Variants in ALDH1A2 observed in about 807,000 individuals in gnomAD.
The protein encoded by ALDH1A2 is aldehyde dehydrogenase 1 family member A2.
In ALDH1A2, 27 loss-of-function variants were observed where a neutral mutation model predicts 60.3. The observed-to-expected ratio is 0.45, with a 90% CI of 0.33 to 0.62. The LOEUF (loss-of-function observed/expected upper bound fraction) is 0.62. Ranked by LOEUF, ALDH1A2 falls within the 20% of genes least tolerant of loss-of-function variation. ALDH1A2 has a pLI of 0.02. For missense variants in ALDH1A2, 581 were observed against 643.8 expected (o/e 0.90, Z 1.06); for synonymous variants, 289 against 232.4 (o/e 1.24, Z -2.21).
intron 1 of ALDH1A2, among the ~76,000 whole-genome samples, chr15:58,032,677 T>C (rs557370811): frequency 1.2e-3 from 186 of 152,006 alleles, no homozygotes; most frequent in African/African-American, 3.9e-3. Flanking sequence ...CCACTATTGG[T>C]TATCTATCCA....
At chr15:57,956,908 A>G (rs1268182976) in intron 12 of ALDH1A2, among the ~76,000 whole-genome samples, 1 of 152,102 alleles carries the variant, frequency 6.6e-6, no homozygotes, top group Non-Finnish European at 1.5e-5. Flanking sequence ...AGCATCAGAA[A>G]CCTCACAATT....
chr15:58,030,604 C>A (rs749437353), intron 1 of ALDH1A2, among the ~76,000 whole-genome samples: 2 of 152,062 alleles, frequency 1.3e-5, no homozygotes, highest in Non-Finnish European at 2.9e-5. Flanking sequence ...CAAATTGTCC[C>A]GGTTTGCAGG....
chr15:58,018,878 A>G (rs1895850282), intron 1 of ALDH1A2, among the ~76,000 whole-genome samples: 1 of 152,186 alleles, frequency 6.6e-6, no homozygotes, highest in Non-Finnish European at 1.5e-5. Context: ...GTTCCAAATT[A>G]AAGGTCACTA....
At chr15:57,974,533 G>A (rs1231495806) in intron 7 of ALDH1A2, among the ~76,000 whole-genome samples, 1 of 151,900 alleles carries the variant, frequency 6.6e-6, no homozygotes, top group African/African-American at 2.4e-5. Context: ...AGTGGAGGCA[G>A]GGTAGTCTTT....
At chr15:58,019,520 T>C (rs528804591) in intron 1 of ALDH1A2, among the ~76,000 whole-genome samples, 1 of 152,194 alleles carries the variant, frequency 6.6e-6, no homozygotes, top group African/African-American at 2.4e-5. Context: ...AGTTTCTTCA[T>C]TTGGAAAATA....
chr15:58,011,918 T>G (rs1217567301), intron 3 of ALDH1A2, among the ~76,000 whole-genome samples: 6 of 152,160 alleles, frequency 3.9e-5, no homozygotes, highest in Non-Finnish European at 8.8e-5. Flanking sequence ...AACCAGAATT[T>G]GGGCTGCCTA....
chr15:57,960,952 G>A (rs1893697273), intron 11 of ALDH1A2, 108 bp from the exon 12 acceptor site: 8 of 1,358,724 alleles, frequency 5.9e-6, no homozygotes, highest in Non-Finnish European at 8.2e-6. Context: ...CTTTCCTCCA[G>A]AGGAAAAAAT....
chr15:58,031,947 C>T (rs1210901141), intron 1 of ALDH1A2, among the ~76,000 whole-genome samples: 3 of 152,226 alleles, frequency 2.0e-5, no homozygotes, highest in African/African-American at 7.2e-5. Context: ...GTCAGCGTGG[C>T]GATTCCTCAG....
At chr15:58,012,923 C>T (rs560180118) in intron 3 of ALDH1A2, among the ~76,000 whole-genome samples, 1 of 152,138 alleles carries the variant, frequency 6.6e-6, no homozygotes, top group Non-Finnish European at 1.5e-5. Context: ...TCATTGATAC[C>T]AGGTGGAGAT....
chr15:57,982,143 TTAAA>T (rs1289880164), intron 7 of ALDH1A2, among the ~76,000 whole-genome samples: 2 of 152,164 alleles, frequency 1.3e-5, no homozygotes, highest in African/African-American at 4.8e-5. Flanking sequence ...GCATTGTAGA[TTAAA>T]TAACAAACAC....
At chr15:57,965,013 GA>G (rs4646621) in intron 8 of ALDH1A2, among the ~76,000 whole-genome samples, 180 of 143,448 alleles carry the variant, frequency 1.3e-3, no homozygotes, top group East Asian at 3.0e-3. Flanking sequence ...CAAGTGGAGG[GA>G]AAAAAAAAAA....
chr15:57,971,164 C>G (rs1294969020), intron 7 of ALDH1A2, among the ~76,000 whole-genome samples: 4 of 152,232 alleles, frequency 2.6e-5, no homozygotes, highest in African/African-American at 9.6e-5. Context: ...ACCACTTGCC[C>G]TTTCTGGAAC....
At chr15:58,053,269 C>T (rs1896820382) in intron 1 of ALDH1A2, among the ~76,000 whole-genome samples, 1 of 152,038 alleles carries the variant, frequency 6.6e-6, no homozygotes, top group African/African-American at 2.4e-5. Flanking sequence ...GTCATGTGTG[C>T]CTATCACTGA....
chr15:58,032,701 C>G (rs545916945), intron 1 of ALDH1A2, among the ~76,000 whole-genome samples: 8 of 151,832 alleles, frequency 5.3e-5, no homozygotes, highest in African/African-American at 1.7e-4. Flanking sequence ...CAAAAGAAAT[C>G]AATATATCAA....
chr15:58,009,113 T>C (rs759411416), intron 4 of ALDH1A2, among the ~76,000 whole-genome samples: 8 of 152,066 alleles, frequency 5.3e-5, no homozygotes, highest in Non-Finnish European at 8.8e-5. Flanking sequence ...GTAGGGGCAA[T>C]TTAAAAAATA....
chr15:57,982,064 A>G (rs559140578), intron 7 of ALDH1A2, among the ~76,000 whole-genome samples: 2 of 152,304 alleles, frequency 1.3e-5, no homozygotes, highest in South Asian at 2.1e-4. Context: ...GCATTAATCT[A>G]TTAATGTGGG....
In ALDH1A2 at chr15:57,972,165, C is replaced by T. The variant is rs987799846; in HGVS notation, c.799-6338G>A. ...TTGGAAAAAAAGACAAGACAAGACTCACAGAGGTCAAGAAATGACTTGCAA... is the reference window on the plus strand; with the variant it reads ...TTGGAAAAAAAGACAAGACAAGACTTACAGAGGTCAAGAAATGACTTGCAA... On this transcript the variant is annotated intron_variant, in intron 7 of 12. Transcript: ENST00000249750. Among the ~76,000 whole-genome samples the T allele has an allele frequency of 2.6e-5, 4 of 151,222 alleles. No individual in the cohort carries two copies. The East Asian group carries it at 5.8e-4, about 22-fold the overall frequency.
At position 58,010,655 on chromosome 15, in the gene ALDH1A2, GA is replaced by G; in HGVS notation, c.486del (p.Pro163LeufsTer2). 6.2e-7 allele frequency: 1 copy of G among 1,613,176 alleles called. No homozygotes were observed. The highest frequency in any genetic ancestry group is 8.5e-7 in the Non-Finnish European group (1 of 1,179,294). On this transcript the variant is annotated frameshift_variant, in exon 4 of 13. Coordinates refer to ENST00000249750, the MANE Select transcript of ALDH1A2 (RefSeq NM_003888.4). LOFTEE classifies it high-confidence loss of function. ...GTACTCAGATTTCACATACCTACAG[GA>G]ATGGTCATCCCATGAATTTTATCAG... ...GWADKIHGMT[I>X]PVDGDYFTFT...
intron 1 of ALDH1A2, among the ~76,000 whole-genome samples, chr15:58,053,847 C>A (rs1896833718): frequency 6.6e-6 from 1 of 152,142 alleles, no homozygotes; most frequent in African/African-American, 2.4e-5. Context: ...GTACAAATAC[C>A]TATCAGCATG....
Sources: allele counts gnomAD v4.1 joint callset (sites outside exome capture counted in the v4.1 genomes callset), GRCh38; gene constraint gnomAD v4.1.1; transcripts MANE v1.5; gene names NCBI Gene and HGNC (gene_info 2026-07-23, HGNC 2026-07-21).